Variants in RBMS1 observed in about 807,000 individuals in gnomAD.
The protein encoded by RBMS1 is RNA-binding motif, single-stranded-interacting protein 1.
Under a neutral mutation model 62.3 loss-of-function variants are expected in RBMS1, and 17 were observed. The ratio of observed to expected loss-of-function variants is 0.27; its 90% CI spans 0.19 to 0.41. The LOEUF is 0.41. RBMS1 is among the 10% of genes least tolerant of loss of function. The probability of loss-of-function intolerance (pLI) is 1.00; values close to 1 mark genes in which losing one functional copy is unlikely to be tolerated. For missense variants in RBMS1, 334 were observed against 504.5 expected (o/e 0.66, Z 3.24); for synonymous variants, 172 against 170.0 (o/e 1.01, Z -0.09).
intron 1 of RBMS1, among the ~76,000 whole-genome samples, chr2:160,386,916 A>G (rs951457404): frequency 6.6e-6 from 1 of 152,192 alleles, no homozygotes; most frequent in African/African-American, 2.4e-5. Context: ...TTTTATGATT[A>G]TTTATTCCTA....
chr2:160,476,233 A>G (rs556263617), intron 1 of RBMS1, among the ~76,000 whole-genome samples: 3 of 152,200 alleles, frequency 2.0e-5, no homozygotes, highest in Admixed American at 1.3e-4. Flanking sequence ...GGTTTTTTGC[A>G]TTTTATGAAG....
At chr2:160,454,456 A>G (rs1395743090) in intron 1 of RBMS1, among the ~76,000 whole-genome samples, 1 of 152,240 alleles carries the variant, frequency 6.6e-6, no homozygotes, top group Admixed American at 6.5e-5. Context: ...AAGGATGGCA[A>G]CTTTGAGGTC....
chr2:160,395,032 C>T (rs1448482058), intron 1 of RBMS1, among the ~76,000 whole-genome samples: 1 of 152,172 alleles, frequency 6.6e-6, no homozygotes. Context: ...CAAACTGTTC[C>T]AAGAACACAA....
chr2:160,318,254 G>GAAAAAAAAAAAAAAAAA (rs747757198), intron 2 of RBMS1, 27 bp from the exon 3 acceptor site: 2 of 1,255,418 alleles, frequency 1.6e-6, no homozygotes, highest in African/African-American at 1.8e-5. Flanking sequence ...AAAAAAAAAG[G>GAAAAAAAAAAAAAAAAA]AAAAAAAGAA....
intron 1 of RBMS1, among the ~76,000 whole-genome samples, chr2:160,464,611 T>C (rs977727878): frequency 8.5e-5 from 13 of 152,234 alleles, no homozygotes; most frequent in African/African-American, 2.7e-4. Flanking sequence ...CAGGTGGTTA[T>C]ATTGGTATCT....
intron 1 of RBMS1, among the ~76,000 whole-genome samples, chr2:160,428,455 G>A (rs12477746): frequency 0.95 from 144,769 of 152,240 alleles, 69,021 homozygotes; most frequent in East Asian, 1. Flanking sequence ...AAAACAGCAT[G>A]TCGGGGAATT....
intron 1 of RBMS1, among the ~76,000 whole-genome samples, chr2:160,384,727 A>G (rs1017569605): frequency 6.6e-6 from 1 of 152,224 alleles, no homozygotes; most frequent in Non-Finnish European, 1.5e-5. Flanking sequence ...ACACAAGCTA[A>G]TTAATAAACT....
chr2:160,475,751 T>C (rs1383853134), intron 1 of RBMS1, among the ~76,000 whole-genome samples: 1 of 152,226 alleles, frequency 6.6e-6, no homozygotes, highest in Non-Finnish European at 1.5e-5. Flanking sequence ...TGTTTTTAGA[T>C]ATGTAGCCAT....
rs1448303268 is a variant in RBMS1, at chr2:160,272,427, AAATT to A, written c.*2341_*2344del. ...ATCTGTACAAAAGGTCTTTCTTCAT[AAATT>A]AATTTTTTTATAATTTAATGGCTGT... On this transcript the variant is annotated 3_prime_UTR_variant, in exon 14 of 14. Transcript: ENST00000348849. 6.6e-6 allele frequency: 1 copy of A among 152,184 alleles called. No individual in the cohort carries two copies. Among genetic ancestry groups the A allele is most frequent in the Non-Finnish European group, 1.5e-5 (1 of 67,996 alleles). The allele number at this position is 152,184 out of a possible 1,614,324, so 9.4% of individuals were successfully genotyped here. A position where few individuals can be genotyped will look rare whatever the true frequency, so the allele number is the denominator to read the frequency against.
At chr2:160,320,038 T>C (rs1197779532) in intron 2 of RBMS1, among the ~76,000 whole-genome samples, 2 of 152,170 alleles carry the variant, frequency 1.3e-5, no homozygotes, top group African/African-American at 2.4e-5. Context: ...AAATAATCTA[T>C]AAAAATCTAC....
intron 1 of RBMS1, among the ~76,000 whole-genome samples, chr2:160,385,288 G>A (rs1694509116): frequency 6.6e-6 from 1 of 152,118 alleles, no homozygotes; most frequent in South Asian, 2.1e-4. Context: ...CTTAAAATCA[G>A]CCTATACATA....
intron 1 of RBMS1, among the ~76,000 whole-genome samples, chr2:160,438,257 C>CTTTTT (rs1683197829): frequency 7.0e-6 from 1 of 142,542 alleles, no homozygotes. Context: ...AGGCTCAATA[C>CTTTTT]TTTCTTTTTT....
chr2:160,295,847 T>G (rs1226046591), intron 6 of RBMS1, among the ~76,000 whole-genome samples: 2 of 152,246 alleles, frequency 1.3e-5, no homozygotes, highest in African/African-American at 2.4e-5. Context: ...GGGAAGATCT[T>G]ATCTTAGACT....
chr2:160,358,194 T>C (rs1484406573), intron 2 of RBMS1, among the ~76,000 whole-genome samples: 2 of 152,130 alleles, frequency 1.3e-5, no homozygotes, highest in Non-Finnish European at 2.9e-5. Flanking sequence ...CGGGGGATGA[T>C]TGCGAAGGTT....
In RBMS1 at chr2:160,493,458, AGCGGCG is replaced by A; in HGVS notation, c.-101_-96del. ...CCTCTCCCTTTCCGGCGGCGGCGGC[AGCGGCG>A]GCGGCGGCGGCGGCTGCTGCTGCTG... On this transcript the variant is annotated 5_prime_UTR_variant, in exon 1 of 14. Transcript: ENST00000348849. The A allele has an allele frequency of 8.2e-7, 1 of 1,219,520 alleles. No individual in the cohort carries two copies. Among genetic ancestry groups the A allele is most frequent in the Non-Finnish European group, 1.2e-6 (1 of 848,106 alleles). 75.5% of individuals were successfully genotyped at this position (1,219,520 alleles called of 1,614,324 possible).
intron 1 of RBMS1, among the ~76,000 whole-genome samples, chr2:160,446,238 T>C (rs963150564): frequency 6.6e-6 from 1 of 152,182 alleles, no homozygotes; most frequent in Admixed American, 6.5e-5. Context: ...CCTCATCCAA[T>C]ACTTGAACCC....
chr2:160,447,962 C>G (rs993799736), intron 1 of RBMS1, among the ~76,000 whole-genome samples: 1 of 151,962 alleles, frequency 6.6e-6, no homozygotes, highest in South Asian at 2.1e-4. Flanking sequence ...AACGGTTGAA[C>G]GAATAAATGT....
intron 2 of RBMS1, among the ~76,000 whole-genome samples, chr2:160,318,853 A>G (rs1690382720): frequency 6.6e-6 from 1 of 152,248 alleles, no homozygotes; most frequent in African/African-American, 2.4e-5. Context: ...AGTAATAATA[A>G]TTATACAGTA....
intron 13 of RBMS1, 69 bp downstream of exon 13, chr2:160,275,561 A>G: frequency 6.4e-7 from 1 of 1,551,806 alleles, no homozygotes; most frequent in African/African-American, 1.4e-5. Context: ...CACCATTCTG[A>G]TTTTAAAAAA....
Sources: allele counts gnomAD v4.1 joint callset (sites outside exome capture counted in the v4.1 genomes callset), GRCh38; gene constraint gnomAD v4.1.1; transcripts MANE v1.5; gene names NCBI Gene and HGNC (gene_info 2026-07-23, HGNC 2026-07-21).